Variants in SKA2 observed in about 807,000 individuals in gnomAD.
SKA2 encodes spindle and kinetochore-associated protein 2.
A neutral mutation model predicts 16.9 loss-of-function variants in SKA2; 13 were observed. The ratio of observed to expected loss-of-function variants is 0.77; its 90% confidence interval spans 0.50 to 1.22. The LOEUF (loss-of-function observed/expected upper bound fraction) is 1.22. Ranked by LOEUF, SKA2 falls within the 50% of genes most tolerant of loss-of-function variation. The probability of loss-of-function intolerance (pLI) is 0.00; values close to 1 mark genes in which losing one functional copy is unlikely to be tolerated. For missense variants in SKA2, 107 were observed against 139.7 expected (o/e 0.77, Z 1.18); for synonymous variants, 47 against 48.5 (o/e 0.97, Z 0.13).
chr17:59,131,571 T>C (rs1475946330), intron 1 of SKA2, among the ~76,000 whole-genome samples: 1 of 152,188 alleles, frequency 6.6e-6, no homozygotes, highest in Non-Finnish European at 1.5e-5. Context: ...AGTTAACATT[T>C]TAAAGTCATT....
chr17:59,153,401 T>C (rs2046592149), intron 1 of SKA2, among the ~76,000 whole-genome samples: 1 of 152,018 alleles, frequency 6.6e-6, no homozygotes, highest in Admixed American at 6.5e-5. Flanking sequence ...AAATTCTTCC[T>C]TCTTCCCTCC....
chr17:59,139,039 G>T (rs1341918186), intron 1 of SKA2, among the ~76,000 whole-genome samples: 2 of 152,118 alleles, frequency 1.3e-5, no homozygotes, highest in Non-Finnish European at 2.9e-5. Context: ...TCTCACCTAT[G>T]GTGGGCTAGG....
chr17:59,149,649 G>A (rs7342863), intron 1 of SKA2, among the ~76,000 whole-genome samples: 65,052 of 152,010 alleles, frequency 0.43, 15,850 homozygotes, highest in African/African-American at 0.67. Flanking sequence ...GAAATGACCC[G>A]ATGTCTATAA....
intron 2 of SKA2, among the ~76,000 whole-genome samples, chr17:59,123,110 A>G (rs897509290): frequency 1.3e-5 from 2 of 151,918 alleles, no homozygotes; most frequent in South Asian, 2.1e-4. Flanking sequence ...CTCTAGAAAA[A>G]TAAGTTGTGA....
At chr17:59,150,783 A>C (rs1200618179) in intron 1 of SKA2, among the ~76,000 whole-genome samples, 1 of 152,158 alleles carries the variant, frequency 6.6e-6, no homozygotes, top group East Asian at 1.9e-4. Context: ...CTGCAGGAAA[A>C]ATATACAGCA....
chr17:59,114,439 C>T (rs2046283554), intron 3 of SKA2, among the ~76,000 whole-genome samples: 3 of 152,192 alleles, frequency 2.0e-5, no homozygotes, highest in African/African-American at 7.2e-5. Context: ...TGCTCCTGGG[C>T]TACAAATCTG....
chr17:59,149,300 G>A (rs2046558845), intron 1 of SKA2, among the ~76,000 whole-genome samples: 1 of 152,062 alleles, frequency 6.6e-6, no homozygotes, highest in Non-Finnish European at 1.5e-5. Context: ...TTGAGCCCAG[G>A]AGTTAGAGAA....
intron 2 of SKA2, among the ~76,000 whole-genome samples, chr17:59,122,343 C>T (rs1011173717): frequency 6.6e-6 from 1 of 152,030 alleles, no homozygotes; most frequent in South Asian, 2.1e-4. Flanking sequence ...GGTGCAGTGA[C>T]TCACGCCTGC....
rs2046321729 is a variant in SKA2, at chr17:59,119,982, C to T, written c.121-487G>A. ...GGAGTGCAGTGGCGCAATCTCAGCT[C>T]ACTGCAAGCTTCACCTCCCAGGTTC... On this transcript the variant is annotated intron_variant, in intron 2 of 3. Coordinates refer to ENST00000330137, the MANE Select transcript of SKA2 (RefSeq NM_182620.4). Among the ~76,000 whole-genome samples the T allele has an allele frequency of 2.6e-5, 4 of 151,060 alleles. No individual in the cohort carries two copies. In the South Asian group the frequency reaches 8.4e-4, roughly 32 times the overall value.
Position 59,113,242 on chromosome 17 carries a change from C to T in SKA2, c.298-897G>A, listed in dbSNP as rs138990493. ...CATCTTAAGAAAAGAAAAAAGAGGCCGGACGCGGTGGCTCATGCCTTCTAA... is the reference window on the plus strand; with the variant it reads ...CATCTTAAGAAAAGAAAAAAGAGGCTGGACGCGGTGGCTCATGCCTTCTAA... On this transcript the variant is annotated intron_variant, in intron 3 of 3. Transcript: ENST00000330137. Among the ~76,000 whole-genome samples, 363 of 151,922 alleles carry T rather than the reference C, an allele frequency of 2.4e-3. 4 individuals carry two copies. The highest frequency in any genetic ancestry group is 8.3e-3 in the African/African-American group (344 of 41,486).
At chr17:59,113,668 A>AG (rs2046277924) in intron 3 of SKA2, among the ~76,000 whole-genome samples, 1 of 151,632 alleles carries the variant, frequency 6.6e-6, no homozygotes, top group Non-Finnish European at 1.5e-5. Context: ...TACTAAAAAT[A>AG]CAAAAAAATT....
intron 1 of SKA2, among the ~76,000 whole-genome samples, chr17:59,144,063 G>A (rs2147817175): frequency 6.6e-6 from 1 of 152,180 alleles, no homozygotes; most frequent in African/African-American, 2.4e-5. Flanking sequence ...GGCTGAGTCA[G>A]GAGAATCGCT....
At chr17:59,135,141 AAG>A (rs536529080) in intron 1 of SKA2, among the ~76,000 whole-genome samples, 1 of 151,664 alleles carries the variant, frequency 6.6e-6, no homozygotes, top group Non-Finnish European at 1.5e-5. Context: ...GCATCTTTTT[AAG>A]AGAGAGGTTT....
intron 2 of SKA2, among the ~76,000 whole-genome samples, chr17:59,121,521 G>A (rs1320276844): frequency 6.7e-6 from 1 of 150,272 alleles, no homozygotes; most frequent in East Asian, 2.0e-4. Flanking sequence ...CGGGCATTGT[G>A]GTGGGCGCCT....
chr17:59,133,846 AGAGAAG>A (rs1423513455), intron 1 of SKA2, among the ~76,000 whole-genome samples: 3 of 152,210 alleles, frequency 2.0e-5, no homozygotes, highest in African/African-American at 7.2e-5. Flanking sequence ...GATAAAAGAA[AGAGAAG>A]GTTTTTGTTT....
chr17:59,122,294 C>T (rs542084137), intron 2 of SKA2, among the ~76,000 whole-genome samples: 3 of 152,002 alleles, frequency 2.0e-5, no homozygotes, highest in African/African-American at 7.2e-5. Context: ...GGCAACATAG[C>T]GTGAAACCTC....
chr17:59,148,162 A>G (rs2046548455), intron 1 of SKA2, among the ~76,000 whole-genome samples: 3 of 152,130 alleles, frequency 2.0e-5, no homozygotes, highest in Admixed American at 6.6e-5. Flanking sequence ...AAAGTTTTTA[A>G]TTTTAAAAAA....
chr17:59,148,821 A>AG (rs2046554513), intron 1 of SKA2, among the ~76,000 whole-genome samples: 1 of 150,578 alleles, frequency 6.6e-6, no homozygotes, highest in African/African-American at 2.4e-5. Flanking sequence ...AAAAAAAAAA[A>AG]AAAAAAAAAG....
intron 1 of SKA2, among the ~76,000 whole-genome samples, chr17:59,147,218 T>G (rs1040009488): frequency 6.6e-6 from 1 of 151,854 alleles, no homozygotes; most frequent in African/African-American, 2.4e-5. Context: ...CTCTAGGTTA[T>G]TAAAAAAACA....
Sources: allele counts gnomAD v4.1 joint callset (sites outside exome capture counted in the v4.1 genomes callset), GRCh38; gene constraint gnomAD v4.1.1; transcripts MANE v1.5; gene names NCBI Gene and HGNC (gene_info 2026-07-23, HGNC 2026-07-21).